The following COL3A1 variants were observed in gnomAD, a reference collection of about 807,000 sequenced individuals.
COL3A1 encodes the protein collagen alpha-1(III) chain.
A neutral mutation model predicts 200.9 loss-of-function variants in COL3A1; 46 were observed. The observed-to-expected ratio is 0.23, with a 90% CI of 0.18 to 0.29. The LOEUF is 0.29. Ranked by LOEUF, COL3A1 falls within the 10% of genes least tolerant of loss-of-function variation. The pLI, the probability that COL3A1 is intolerant of heterozygous loss-of-function variation, is 1.00. For synonymous variants in COL3A1, 650 were observed against 628.0 expected (o/e 1.03, Z -0.52); for missense variants, 1,367 against 1,917.6 (o/e 0.71, Z 5.36).
Position 188,995,724 on chromosome 2 carries a change from T to A in COL3A1, c.1542T>A (p.Pro514=). 1 of 1,563,580 alleles carries A rather than the reference T, an allele frequency of 6.4e-7. No homozygotes were observed. The highest frequency in any genetic ancestry group is 8.7e-7 in the Non-Finnish European group (1 of 1,153,472). The part of the protein sequence containing the change: ...GPAGERGAPG[P]AGPRGAAGEP... ...CTGGAGAGCGTGGTGCTCCAGGCCC[T>A]GCAGGGCCCAGAGGAGCTGCTGGAG... Residue 514 remains proline (P), a synonymous_variant, in exon 22 of 51, where the codon CCT becomes CCA. Transcript: ENST00000304636.
intron 34 of COL3A1, among the ~76,000 whole-genome samples, chr2:189,001,970 AAAAT>A (rs1688476054): frequency 6.6e-6 from 1 of 152,222 alleles, no homozygotes; most frequent in Admixed American, 6.5e-5. Flanking sequence ...ATGGTTTTTA[AAAAT>A]AAATCAGTTA....
chr2:188,991,812 A>G (rs2153502135), intron 13 of COL3A1, 90 bp downstream of exon 13: 1 of 1,348,622 alleles, frequency 7.4e-7, no homozygotes, highest in East Asian at 2.3e-5. Flanking sequence ...AAAATATGTT[A>G]GGAAAAAGAC....
At chr2:189,009,257 G>A in intron 48 of COL3A1, 36 bp downstream of exon 48, 1 of 1,612,184 alleles carries the variant, frequency 6.2e-7, no homozygotes, top group Non-Finnish European at 8.5e-7. Context: ...ATGGCAATAG[G>A]ATTACAGAGA....
intron 7 of COL3A1, among the ~76,000 whole-genome samples, chr2:188,988,963 T>C (rs555329800): frequency 1.3e-5 from 2 of 151,912 alleles, no homozygotes; most frequent in Non-Finnish European, 2.9e-5. Flanking sequence ...AATCTACTGA[T>C]AAATATAGTT....
At chr2:188,975,814 G>C (rs570655259) in intron 1 of COL3A1, among the ~76,000 whole-genome samples, 10 of 151,274 alleles carry the variant, frequency 6.6e-5, no homozygotes, top group African/African-American at 2.2e-4. Flanking sequence ...CCTCTCCTTC[G>C]CTTTGCCCTC....
At chr2:188,996,871 C>CCTAG (rs1233639269) in intron 24 of COL3A1, among the ~76,000 whole-genome samples, 9 of 152,140 alleles carry the variant, frequency 5.9e-5, no homozygotes, top group African/African-American at 2.2e-4. Context: ...TGCCTGTAAT[C>CCTAG]CTAGCTACCC....
intron 50 of COL3A1, among the ~76,000 whole-genome samples, chr2:189,011,159 A>G (rs1407202185): frequency 6.6e-6 from 1 of 152,226 alleles, no homozygotes; most frequent in Non-Finnish European, 1.5e-5. Context: ...TGGGATAGTT[A>G]CTATATGTTT....
In COL3A1 at chr2:189,008,114, G is replaced by A. The variant is rs369494336; in HGVS notation, c.3497G>A (p.Arg1166Gln). 2.1e-5 allele frequency: 34 copies of A among 1,613,334 alleles called. No individual in the cohort carries two copies. The highest frequency in any genetic ancestry group is 4.0e-5 in the African/African-American group (3 of 74,908). The change falls in exon 47 of 51, where the codon CGA (arginine) becomes CAA (glutamine). Residue 1166 changes from arginine to glutamine, a missense_variant. Coordinates refer to ENST00000304636, the MANE Select transcript of COL3A1 (RefSeq NM_000090.4). ...HPGPIGPPGP[R>Q]GNRGERGSEG... ...GGTCCCATTGGACCACCAGGGCCTC[G>A]AGGTAACAGAGGTGAAAGAGGATCT... is the stretch of plus-strand genomic sequence containing the variant.
intron 1 of COL3A1, among the ~76,000 whole-genome samples, chr2:188,981,649 C>T (rs1397763958): frequency 3.3e-5 from 5 of 151,068 alleles, no homozygotes; most frequent in African/African-American, 9.7e-5. Context: ...CTTCTAAATC[C>T]CATTTTCTAT....
chr2:189,011,718 A>G lies in COL3A1; in HGVS notation c.4345A>G (p.Ile1449Val). 1.2e-6 allele frequency: 2 copies of G among 1,614,030 alleles called. No homozygotes were observed. The highest frequency in any genetic ancestry group is 1.1e-5 in the South Asian group (1 of 91,084). ...TATTGTAGATATTGCACCCTATGAC[A>G]TTGGTGGTCCTGATCAAGAATTTGG... Reference protein sequence around the residue: ...LPIVDIAPYDIGGPDQEFGVD... With the variant: ...LPIVDIAPYDVGGPDQEFGVD... The change falls in exon 51 of 51, where the codon ATT (isoleucine) becomes GTT (valine). Residue 1449 changes from isoleucine to valine, a missense_variant. By Grantham distance (29) the Ile-to-Val change is conservative. This residue lies in a region of COL3A1 where 846 missense variants were observed against 1,147.9 expected (regional missense o/e 0.74). Coordinates refer to ENST00000304636, the MANE Select transcript of COL3A1 (RefSeq NM_000090.4).
chr2:188,993,090 G>C, intron 15 of COL3A1, 150 bp downstream of exon 15: 1 of 777,700 alleles, frequency 1.3e-6, no homozygotes, highest in Middle Eastern at 3.6e-4. Flanking sequence ...GATTCTAAAA[G>C]AGGTGTTGTC....
rs1688703116 is a variant in COL3A1 at position 189,010,670 on chromosome 2, T to G, written c.4034T>G (p.Leu1345Arg). Residue 1345 changes from leucine (L) to arginine (R), a missense_variant, in exon 50 of 51, where the codon CTT becomes CGT. Transcript: ENST00000304636. Reference sequence around the variant, plus strand: ...CAGTTTAGCTACGGCAATCCTGAACTTCCTGAAGATGTCCTTGATGTGCAT... The same window carrying G: ...CAGTTTAGCTACGGCAATCCTGAACGTCCTGAAGATGTCCTTGATGTGCAT... ...GFQFSYGNPELPEDVLDVHLA... is the reference protein window; with the variant it reads ...GFQFSYGNPERPEDVLDVHLA... 6.2e-7 allele frequency: 1 copy of G among 1,614,098 alleles called. No homozygotes were observed.
intron 6 of COL3A1, among the ~76,000 whole-genome samples, chr2:188,988,389 A>G (rs1688107831): frequency 6.6e-6 from 1 of 152,170 alleles, no homozygotes; most frequent in Non-Finnish European, 1.5e-5. Flanking sequence ...GTTCAAAACC[A>G]TTCAGTTTTG....
intron 21 of COL3A1, 167 bp from the exon 22 acceptor site, chr2:188,995,525 T>C (rs1230813659): frequency 1.7e-5 from 10 of 596,284 alleles, no homozygotes; most frequent in Non-Finnish European, 3.0e-5. Flanking sequence ...ATTTTTTCAA[T>C]ATGGCAATCC....
At chr2:189,008,006 G>A in intron 46 of COL3A1, 29 bp from the exon 47 acceptor site, 1 of 1,613,796 alleles carries the variant, frequency 6.2e-7, no homozygotes, top group South Asian at 1.1e-5. Flanking sequence ...AAGATATTCT[G>A]GCATTGTGAT....
In COL3A1 at chr2:188,995,803, A is replaced by G. The variant is rs1688294252; in HGVS notation, c.1608+13A>G. Reference sequence around the variant, plus strand: ...TCCAGGAATGAGGGTACAGAGAAACATTTGTTTGAATGACACTTTAATTTA... The same window carrying G: ...TCCAGGAATGAGGGTACAGAGAAACGTTTGTTTGAATGACACTTTAATTTA... On this transcript the variant is annotated intron_variant, in intron 22 of 50. Coordinates refer to ENST00000304636, the MANE Select transcript of COL3A1 (RefSeq NM_000090.4). The G allele has an allele frequency of 6.5e-7, 1 of 1,537,408 alleles. No individual in the cohort carries two copies. Among genetic ancestry groups the G allele is most frequent in the Non-Finnish European group, 8.8e-7 (1 of 1,133,226 alleles).
At chr2:188,992,306 T>C in intron 14 of COL3A1, 78 bp downstream of exon 14, 3 of 1,231,022 alleles carry the variant, frequency 2.4e-6, no homozygotes, top group Non-Finnish European at 3.6e-6. Flanking sequence ...ATTTTATATA[T>C]GTATATACTC....
rs1435706931 is a variant in COL3A1, at chr2:188,985,338, A to G, written c.333+91A>G. On this transcript the variant is annotated intron_variant, in intron 3 of 50. Transcript: ENST00000304636. ...TTCTAGATTTGAGCTTTCATCATAC[A>G]TTCTCTTCATTACCACATATTTGAA... The G allele has an allele frequency of 1.2e-4, 114 of 964,578 alleles. 2 individuals carry two copies. In the South Asian group the frequency reaches 1.4e-3, roughly 12 times the overall value. 59.8% of individuals were successfully genotyped at this position (964,578 alleles called of 1,614,324 possible).
chr2:188,976,087 C>T (rs1300037348), intron 1 of COL3A1, among the ~76,000 whole-genome samples: 1 of 151,940 alleles, frequency 6.6e-6, no homozygotes, highest in Non-Finnish European at 1.5e-5. Flanking sequence ...CCTCCCTATC[C>T]TGCTCTTCCC....
Sources: gnomAD v4.1 joint callset for allele counts (sites outside exome capture counted in the v4.1 genomes callset) on GRCh38, gnomAD v4.1.1 for gene constraint, gnomAD v4.1.1 regional missense constraint, MANE v1.5 for transcripts, NCBI Gene and HGNC (gene_info 2026-07-23, HGNC 2026-07-21) for gene names.